CTNNA2: variants seen among roughly 807,000 people sequenced by gnomAD.
CTNNA2 encodes catenin alpha-2.
Under a neutral mutation model 101.0 loss-of-function variants are expected in CTNNA2, and 42 were observed. The observed-to-expected ratio is 0.42, with a 90% CI of 0.32 to 0.54. The LOEUF (loss-of-function observed/expected upper bound fraction) is 0.54. CTNNA2 is among the 20% of genes least tolerant of loss of function. CTNNA2 has a pLI of 0.14. For missense variants in CTNNA2, 871 were observed against 1,223.1 expected, an observed-to-expected ratio of 0.71 and a Z score of 4.29; for synonymous variants, 450 against 456.4, an observed-to-expected ratio of 0.99 and a Z score of 0.18.
intron 1 of CTNNA2, among the ~76,000 whole-genome samples, chr2:79,603,035 G>A (rs1677650670): frequency 6.6e-6 from 1 of 152,046 alleles, no homozygotes; most frequent in South Asian, 2.1e-4. Context: ...TTATTTTAAA[G>A]CCACAGTAGT....
intron 2 of CTNNA2, among the ~76,000 whole-genome samples, chr2:79,723,743 A>G (rs1008483370): frequency 3.3e-5 from 5 of 151,868 alleles, no homozygotes; most frequent in African/African-American, 7.2e-5. Flanking sequence ...GAGTTCTAGC[A>G]TTTCTCCCCA....
At chr2:79,640,261 C>G (rs1680362962) in intron 1 of CTNNA2, among the ~76,000 whole-genome samples, 1 of 152,016 alleles carries the variant, frequency 6.6e-6, no homozygotes, top group African/African-American at 2.4e-5. Context: ...AGGTTGGGAC[C>G]TGAGAGGGTC....
intron 7 of CTNNA2, among the ~76,000 whole-genome samples, chr2:80,120,484 C>T (rs1431599738): frequency 2.6e-5 from 4 of 152,148 alleles, no homozygotes; most frequent in African/African-American, 9.6e-5. Flanking sequence ...GAACTTGAGA[C>T]TAAGGAAGGA....
At chr2:80,006,130 C>G (rs1253022353) in intron 7 of CTNNA2, among the ~76,000 whole-genome samples, 2 of 151,882 alleles carry the variant, frequency 1.3e-5, no homozygotes, top group African/African-American at 4.8e-5. Context: ...TAAGGAAAAA[C>G]TTATGGACTA....
chr2:79,475,867 A>G (rs966646394), intron 4 of CTNNA2, among the ~76,000 whole-genome samples: 9 of 152,160 alleles, frequency 5.9e-5, no homozygotes, highest in African/African-American at 2.2e-4. Flanking sequence ...TGAAGTACAG[A>G]AAAGAAATGC....
upstream of CTNNA2, among the ~76,000 whole-genome samples, chr2:79,508,559 A>G (rs1671461832): frequency 6.6e-6 from 1 of 152,176 alleles, no homozygotes; most frequent in African/African-American, 2.4e-5. Context: ...AAGATGATAG[A>G]AACAGATTCA....
chr2:80,433,861 G>T (rs1380829501), intron 9 of CTNNA2, among the ~76,000 whole-genome samples: 1 of 152,102 alleles, frequency 6.6e-6, no homozygotes, highest in Non-Finnish European at 1.5e-5. Context: ...TCTCCTGATA[G>T]TTTTCAGGGG....
At chr2:79,832,244 T>G (rs970552610) in intron 3 of CTNNA2, among the ~76,000 whole-genome samples, 1 of 152,200 alleles carries the variant, frequency 6.6e-6, no homozygotes, top group East Asian at 1.9e-4. Context: ...CTAGAGGAAT[T>G]TGAAAGTGTT....
intron 16 of CTNNA2, chr2:80,605,518 T>A (rs1697924654): frequency 6.6e-6 from 1 of 151,996 alleles, no homozygotes; most frequent in Non-Finnish European, 1.5e-5. Flanking sequence ...TCTGATGATC[T>A]GATGATTTTT....
chr2:79,585,145 CCTAT>C (rs1676400249), intron 1 of CTNNA2, among the ~76,000 whole-genome samples: 3 of 152,146 alleles, frequency 2.0e-5, no homozygotes, highest in Admixed American at 2.0e-4. Context: ...TTTGAAAATG[CCTAT>C]CTTTTAGATG....
At chr2:79,315,999 G>C (rs1676488104) in intron 3 of CTNNA2, among the ~76,000 whole-genome samples, 1 of 151,986 alleles carries the variant, frequency 6.6e-6, no homozygotes, top group Admixed American at 6.6e-5. Context: ...TTTTTATAAA[G>C]TCCAATTTAT....
rs563971678 is a variant in CTNNA2, at chr2:80,031,374, G to A, written c.1056+121577G>A. 1.1e-4 allele frequency among the ~76,000 whole-genome samples: 17 copies of A among 152,276 alleles called. 1 individual carries two copies. The South Asian group carries it at 3.3e-3, about 30-fold the overall frequency. ...GGTTTAATGGACTTAACAGTTCCAC[G>A]TGGCTGGGGAGGCCTCCCAAACATG... On this transcript the variant is annotated intron_variant, in intron 7 of 18. Coordinates refer to ENST00000402739, the MANE Select transcript of CTNNA2 (RefSeq NM_001282597.3).
chr2:80,142,163 A>T (rs1331944393), intron 7 of CTNNA2, among the ~76,000 whole-genome samples: 1 of 152,156 alleles, frequency 6.6e-6, no homozygotes, highest in Non-Finnish European at 1.5e-5. Context: ...CTGCCTCAAG[A>T]TGTCCCACTT....
At chr2:80,055,955 A>G (rs1033183274) in intron 7 of CTNNA2, among the ~76,000 whole-genome samples, 2 of 152,172 alleles carry the variant, frequency 1.3e-5, no homozygotes, top group African/African-American at 2.4e-5. Flanking sequence ...AGTTATCTGG[A>G]AGGGTTTAGT....
chr2:80,065,803 A>G (rs1697948066), intron 7 of CTNNA2, among the ~76,000 whole-genome samples: 1 of 152,218 alleles, frequency 6.6e-6, no homozygotes, highest in Admixed American at 6.5e-5. Flanking sequence ...TCATCATTCT[A>G]GAAAAAAGTA....
chr2:80,161,133 G>A lies in CTNNA2; in HGVS notation c.1057-232078G>A, dbSNP rs115078573. On this transcript the variant is annotated intron_variant, in intron 7 of 18. Coordinates refer to ENST00000402739, the MANE Select transcript of CTNNA2 (RefSeq NM_001282597.3). ...GATCTTGGCTCACTGAAACCTCCCC[G>A]CCTCCTGGAGTAGCTAGAATTACAG... 5.9e-3 allele frequency among the ~76,000 whole-genome samples: 902 copies of A among 151,964 alleles called. 12 individuals are homozygous for A. Among genetic ancestry groups the A allele is most frequent in the African/African-American group, 0.021 (865 of 41,462 alleles).
rs1224123800 is a variant in CTNNA2 at position 79,916,685 on chromosome 2, C to T, written c.1056+6888C>T. Among the ~76,000 whole-genome samples, 56 of 150,712 alleles carry T rather than the reference C, an allele frequency of 3.7e-4. 1 individual carries two copies. Among genetic ancestry groups the T allele is most frequent in the Admixed American group, 1.1e-3 (16 of 15,138 alleles). On this transcript the variant is annotated intron_variant, in intron 7 of 18. Transcript: ENST00000402739. ...GCAAGCTCCACCTCCTGGGTTCAAGCGATTCCCCTGCCTCAGCCTCGCTAG... is the reference window on the plus strand; with the variant it reads ...GCAAGCTCCACCTCCTGGGTTCAAGTGATTCCCCTGCCTCAGCCTCGCTAG...
intron 7 of CTNNA2, among the ~76,000 whole-genome samples, chr2:80,208,232 T>A (rs1707652891): frequency 6.6e-6 from 1 of 152,202 alleles, no homozygotes; most frequent in South Asian, 2.1e-4. Flanking sequence ...TTTTCATATG[T>A]GCTTTAATTT....
intron 9 of CTNNA2, among the ~76,000 whole-genome samples, chr2:80,439,087 A>T (rs1682319941): frequency 6.6e-6 from 1 of 152,212 alleles, no homozygotes; most frequent in Non-Finnish European, 1.5e-5. Context: ...GTGGGAAGTG[A>T]GGACAATAAT....
Sources: gnomAD v4.1 joint callset for allele counts (sites outside exome capture counted in the v4.1 genomes callset) on GRCh38, gnomAD v4.1.1 for gene constraint, MANE v1.5 for transcripts, NCBI Gene and HGNC (gene_info 2026-07-23, HGNC 2026-07-21) for gene names.